Variants in WSCD2 observed in about 807,000 individuals in gnomAD.
WSCD2 encodes the protein WSC domain sialate O sulfotransferase 2.
Under a neutral mutation model 55.7 loss-of-function variants are expected in WSCD2, and 28 were observed. That is an observed-to-expected ratio of 0.50 (90% CI 0.37 to 0.69). The LOEUF (loss-of-function observed/expected upper bound fraction) is 0.69. Ranked by LOEUF, WSCD2 falls within the 30% of genes least tolerant of loss-of-function variation. WSCD2 has a pLI of 0.00. For missense variants in WSCD2, 616 were observed against 762.1 expected, an observed-to-expected ratio of 0.81 and a Z score of 2.26; for synonymous variants, 301 against 301.9, an observed-to-expected ratio of 1.00 and a Z score of 0.03.
chr12:108,211,810 T>C (rs1332083523), intron 4 of WSCD2, among the ~76,000 whole-genome samples: 2 of 131,008 alleles, frequency 1.5e-5, no homozygotes, highest in Non-Finnish European at 1.6e-5. Flanking sequence ...CCCGCCACCA[T>C]GCCTGGCTAA....
At chr12:108,227,384 A>T (rs1336122920) in intron 6 of WSCD2, among the ~76,000 whole-genome samples, 1 of 152,204 alleles carries the variant, frequency 6.6e-6, no homozygotes, top group Non-Finnish European at 1.5e-5. Context: ...TCTATCCCTC[A>T]TCACTGAGGA....
intron 4 of WSCD2, among the ~76,000 whole-genome samples, chr12:108,213,827 T>C: frequency 6.6e-6 from 1 of 152,200 alleles, no homozygotes. Context: ...TACAGTGTTG[T>C]AGACACCCTG....
intron 6 of WSCD2, among the ~76,000 whole-genome samples, chr12:108,231,625 C>G (rs1354488504): frequency 6.6e-6 from 1 of 152,110 alleles, no homozygotes; most frequent in African/African-American, 2.4e-5. Context: ...CTTACAAGAG[C>G]CCTACAAAAT....
chr12:108,243,540 T>C (rs1042582735), intron 8 of WSCD2, among the ~76,000 whole-genome samples: 2 of 152,200 alleles, frequency 1.3e-5, no homozygotes, highest in African/African-American at 4.8e-5. Flanking sequence ...AGCCACAATC[T>C]GTGTTTTAAC....
In WSCD2 at chr12:108,206,310, T is replaced by C. The variant is rs1326931566; in HGVS notation, c.404T>C (p.Leu135Pro). The change falls in exon 3 of 9, where the codon CTG becomes CCG. Residue 135 changes from leucine (L) to proline (P), a missense_variant. Physicochemically the swap from Leu to Pro is moderately conservative, Grantham distance 98 (BLOSUM62 -3). Transcript: ENST00000547525. ...AAAGCCAAGTACATCGGCTGCTACC[T>C]GGATGACACCCAGAGTCGGGCCCTT... is the stretch of plus-strand genomic sequence containing the variant. ...EERAKYIGCYLDDTQSRALRG... is the reference protein window; with the variant it reads ...EERAKYIGCYPDDTQSRALRG... 1.2e-6 allele frequency: 2 copies of C among 1,614,256 alleles called. No individual in the cohort carries two copies. The highest frequency in any genetic ancestry group is 1.7e-6 in the Non-Finnish European group (2 of 1,180,040).
intron 5 of WSCD2, 142 bp from the exon 6 acceptor site, chr12:108,226,848 A>T: frequency 1.0e-6 from 1 of 955,296 alleles, no homozygotes; most frequent in Admixed American, 3.0e-5. Flanking sequence ...GGGTTTGTGG[A>T]TGGAATTTGG....
intron 7 of WSCD2, among the ~76,000 whole-genome samples, chr12:108,235,032 C>T (rs1889143199): frequency 6.6e-6 from 1 of 152,112 alleles, no homozygotes; most frequent in Non-Finnish European, 1.5e-5. Flanking sequence ...AACCTCCTAA[C>T]TTCAGAGAAG....
At position 108,248,455 on chromosome 12, in the gene WSCD2, C is replaced by A; in HGVS notation, c.*112C>A. 19 of 1,451,656 alleles carry A rather than the reference C, an allele frequency of 1.3e-5. 1 individual carries two copies. In the South Asian group the frequency reaches 2.6e-4, roughly 20 times the overall value. 89.9% of individuals were successfully genotyped at this position (1,451,656 alleles called of 1,614,324 possible). ...GTCCTCTCTTTGGTCTGGGGACAAT[C>A]CCCTTGGCTGCTCTTTGCCTTCAAT... On this transcript the variant is annotated 3_prime_UTR_variant, in exon 9 of 9. Transcript: ENST00000547525. This position sits in a 1 kb window ranked among gnomAD's most constrained non-coding sequence, Gnocchi z 4.3.
intron 1 of WSCD2, among the ~76,000 whole-genome samples, chr12:108,139,338 T>C (rs1876542876): frequency 1.3e-5 from 2 of 152,342 alleles, no homozygotes; most frequent in African/African-American, 4.8e-5. Context: ...GTTCTTCTTC[T>C]TGTTTCCATT....
intron 8 of WSCD2, among the ~76,000 whole-genome samples, chr12:108,245,392 A>T (rs1327109551): frequency 2.0e-5 from 3 of 152,196 alleles, no homozygotes; most frequent in Admixed American, 2.0e-4. Flanking sequence ...GGCAACATAC[A>T]TTCCCTTCCT....
chr12:108,210,349 C>A lies in WSCD2; in HGVS notation c.682+44C>A. 1 of 1,524,898 alleles carries A rather than the reference C, an allele frequency of 6.6e-7. No homozygotes were observed. The highest frequency in any genetic ancestry group is 8.8e-7 in the Non-Finnish European group (1 of 1,140,554). The allele number at this position is 1,524,898 out of a possible 1,614,324, so 94.5% of individuals were successfully genotyped here. A position where few individuals can be genotyped will look rare whatever the true frequency, so the allele number is the denominator to read the frequency against. On this transcript the variant is annotated intron_variant, in intron 4 of 8. Transcript: ENST00000547525. This position sits in a 1 kb window ranked among gnomAD's most constrained non-coding sequence, Gnocchi z 4.3. ...CCCCTCTCTGCTGCTCCTCCCTCAG[C>A]TGCAGCCCTTGCCCACCAAAGAGTC... is the stretch of plus-strand genomic sequence containing the variant.
In WSCD2 at chr12:108,196,276, G is replaced by A. The variant is rs1158260394; in HGVS notation, c.382+62G>A. On this transcript the variant is annotated intron_variant, in intron 2 of 8. Coordinates refer to ENST00000547525, the MANE Select transcript of WSCD2 (RefSeq NM_014653.4). The stretch of plus-strand genomic sequence containing the variant: ...GGAGAAGGGAGGAGATACTAACAAT[G>A]TAATAACAGCTGTCAGTTTTCAGTG... The A allele has an allele frequency of 2.5e-5, 37 of 1,502,828 alleles. 1 individual carries two copies. The Admixed American group carries it at 8.7e-4, about 35-fold the overall frequency. The allele number at this position is 1,502,828 out of a possible 1,614,324, so 93.1% of individuals were successfully genotyped here.
chr12:108,214,868 T>C (rs569026104), intron 4 of WSCD2, among the ~76,000 whole-genome samples: 5 of 152,366 alleles, frequency 3.3e-5, no homozygotes, highest in Admixed American at 3.3e-4. Flanking sequence ...ATGGTGGTTT[T>C]TGTGTACTGT....
intron 1 of WSCD2, among the ~76,000 whole-genome samples, chr12:108,153,842 C>G (rs2136920923): frequency 6.6e-6 from 1 of 152,180 alleles, no homozygotes; most frequent in Middle Eastern, 3.4e-3. Context: ...TGATGTGGTT[C>G]CCCCAGGCCA....
chr12:108,178,639 A>C (rs1170177531), intron 1 of WSCD2, among the ~76,000 whole-genome samples: 2 of 152,150 alleles, frequency 1.3e-5, no homozygotes, highest in Non-Finnish European at 2.9e-5. Context: ...CAGATCCTAC[A>C]CCTTCTTAGA....
At chr12:108,217,162 C>T (rs569753169) in intron 4 of WSCD2, among the ~76,000 whole-genome samples, 1 of 152,364 alleles carries the variant, frequency 6.6e-6, no homozygotes, top group South Asian at 2.1e-4. Context: ...GTGAAGACAC[C>T]TGCCCAATGG....
At chr12:108,172,408 T>A (rs1880337323) in intron 1 of WSCD2, among the ~76,000 whole-genome samples, 1 of 152,226 alleles carries the variant, frequency 6.6e-6, no homozygotes, top group Admixed American at 6.5e-5. Flanking sequence ...CCAGATATAC[T>A]GGGCTAAAGA....
At chr12:108,180,757 C>T (rs1292391150) in intron 1 of WSCD2, among the ~76,000 whole-genome samples, 1 of 152,246 alleles carries the variant, frequency 6.6e-6, no homozygotes, top group Non-Finnish European at 1.5e-5. Flanking sequence ...GCACCCACTA[C>T]ATAATTTGCA....
intron 1 of WSCD2, among the ~76,000 whole-genome samples, chr12:108,170,614 T>TC (rs1880137460): frequency 6.6e-6 from 1 of 152,180 alleles, no homozygotes; most frequent in Non-Finnish European, 1.5e-5. Flanking sequence ...ATTTCACCTC[T>TC]CAGAGACTCA....
Sources: allele counts gnomAD v4.1 joint callset (sites outside exome capture counted in the v4.1 genomes callset), GRCh38; gene constraint gnomAD v4.1.1; non-coding constraint Gnocchi (gnomAD v3.1); transcripts MANE v1.5; gene names NCBI Gene and HGNC (gene_info 2026-07-23, HGNC 2026-07-21).